The following ARHGAP44 variants were observed in gnomAD, a reference collection of about 807,000 sequenced individuals.
ARHGAP44 encodes the protein rho GTPase-activating protein 44.
Under a neutral mutation model 106.8 loss-of-function variants are expected in ARHGAP44, and 43 were observed. The ratio of observed to expected loss-of-function variants is 0.40; its 90% confidence interval spans 0.32 to 0.52. ARHGAP44 has a LOEUF of 0.52. Among genes scored for constraint, ARHGAP44 ranks in the 20% least tolerant of loss-of-function variants. ARHGAP44 has a pLI of 0.48. For missense variants in ARHGAP44, 866 were observed against 1,050.5 expected, an observed-to-expected ratio of 0.82 and a Z score of 2.43; for synonymous variants, 439 against 410.3, an observed-to-expected ratio of 1.07 and a Z score of -0.85.
chr17:12,899,474 C>A (rs1003941), intron 3 of ARHGAP44, among the ~76,000 whole-genome samples: 2 of 151,984 alleles, frequency 1.3e-5, no homozygotes, highest in African/African-American at 4.8e-5. Context: ...TAATAGGAAA[C>A]GTGACACTTA....
chr17:12,990,860 T>TAAAAC lies in ARHGAP44; in HGVS notation c.*698_*702dup, dbSNP rs544849011. On this transcript the variant is annotated 3_prime_UTR_variant, in exon 21 of 21. Transcript: ENST00000379672. Reference sequence around the variant, plus strand: ...ATATCATTTTATATTTCTGAATCTATAAAACAAAACAAACAAGCCTGACAG... The same window carrying TAAAAC: ...ATATCATTTTATATTTCTGAATCTATAAAACAAAACAAAACAAACAAGCCTGACAG... The TAAAAC allele has an allele frequency of 3.3e-4, 50 of 152,398 alleles. 1 individual carries two copies. In the East Asian group the frequency reaches 7.5e-3, roughly 23 times the overall value. The allele number at this position is 152,398 out of a possible 1,614,324, so 9.4% of individuals were successfully genotyped here. A position where few individuals can be genotyped will look rare whatever the true frequency, so the allele number is the denominator to read the frequency against.
intron 3 of ARHGAP44, among the ~76,000 whole-genome samples, chr17:12,899,916 CT>C (rs896006491): frequency 6.6e-6 from 1 of 152,160 alleles, no homozygotes; most frequent in Non-Finnish European, 1.5e-5. Flanking sequence ...AACTCCTGAA[CT>C]TTTGTCATAC....
chr17:12,871,945 T>G (rs1244999820), intron 1 of ARHGAP44, among the ~76,000 whole-genome samples: 2 of 152,000 alleles, frequency 1.3e-5, no homozygotes, highest in African/African-American at 2.4e-5. Context: ...CCAATTAAAC[T>G]TTTTTTCTTT....
chr17:12,828,684 C>T (rs957260201), intron 1 of ARHGAP44, among the ~76,000 whole-genome samples: 4 of 132,690 alleles, frequency 3.0e-5, no homozygotes, highest in African/African-American at 1.2e-4. Context: ...CTCTGTCACT[C>T]AGGCTGCAGT....
At chr17:12,872,743 A>G (rs958481782) in intron 1 of ARHGAP44, among the ~76,000 whole-genome samples, 3 of 152,092 alleles carry the variant, frequency 2.0e-5, no homozygotes, top group African/African-American at 7.2e-5. Context: ...CTTCAGCTCT[A>G]TGAAAATTAA....
At chr17:12,954,095 A>G (rs1329280571) in intron 13 of ARHGAP44, among the ~76,000 whole-genome samples, 1 of 147,846 alleles carries the variant, frequency 6.8e-6, no homozygotes, top group East Asian at 2.0e-4. Context: ...ACGGGGTTTC[A>G]CCATGTTAGC....
At chr17:12,851,938 T>G (rs1286985718) in intron 1 of ARHGAP44, among the ~76,000 whole-genome samples, 3 of 151,834 alleles carry the variant, frequency 2.0e-5, no homozygotes, top group African/African-American at 7.2e-5. Context: ...GAAAATCAGT[T>G]GGTATAAAAA....
chr17:12,897,885 A>C (rs2037260671), intron 3 of ARHGAP44, among the ~76,000 whole-genome samples: 1 of 152,000 alleles, frequency 6.6e-6, no homozygotes. Context: ...GGATCAGATG[A>C]ATTTACCTGG....
chr17:12,949,651 G>A lies in ARHGAP44; in HGVS notation c.976G>A (p.Ala326Thr). 6.2e-7 allele frequency: 1 copy of A among 1,613,674 alleles called. No homozygotes were observed. Among genetic ancestry groups the A allele is most frequent in the Non-Finnish European group, 8.5e-7 (1 of 1,179,754 alleles). ...ACCAATATTTCATTCATGCCTAGGA[G>A]CTTTGAAATCTTACCTCCGAGAGTT... The part of the protein sequence containing the change: ...YSADPHAIAG[A>T]LKSYLRELPE... Residue 326 changes from alanine to threonine, a missense_variant and splice_region_variant, in exon 12 of 21, where the codon GCT (alanine) becomes ACT (threonine). Ala to Thr is a moderately conservative substitution (Grantham distance 58). Around this residue, in one of 2 missense-constraint regions of ARHGAP44, gnomAD observed 448 missense variants for 646.9 expected, o/e 0.69. Coordinates refer to ENST00000379672, the MANE Select transcript of ARHGAP44 (RefSeq NM_014859.6). The surrounding 1 kb of genome is among the most constrained non-coding windows in gnomAD (Gnocchi z 4.1).
chr17:12,985,612 C>A (rs535094585), intron 20 of ARHGAP44: 12 of 152,350 alleles, frequency 7.9e-5, no homozygotes, highest in African/African-American at 2.9e-4. Context: ...CAAAACCATT[C>A]ATTGGCTGGA....
intron 1 of ARHGAP44, among the ~76,000 whole-genome samples, chr17:12,872,414 T>C (rs2036432533): frequency 6.6e-6 from 1 of 150,706 alleles, no homozygotes; most frequent in Non-Finnish European, 1.5e-5. Context: ...ATTAGGTTTT[T>C]ATCCTTATTT....
Position 12,958,587 on chromosome 17 carries a change from G to A in ARHGAP44, c.1343-130G>A, listed in dbSNP as rs1012047802. ...TTAATGTGATGCATTATATTAATAA[G>A]GTGAACCATGGGATGAAATTTTCTA... On this transcript the variant is annotated intron_variant, in intron 15 of 20. Transcript: ENST00000379672. This position sits in a 1 kb window ranked among gnomAD's most constrained non-coding sequence, Gnocchi z 4.1. 4.7e-6 allele frequency: 4 copies of A among 843,874 alleles called. No individual in the cohort carries two copies. The highest frequency in any genetic ancestry group is 3.4e-5 in the African/African-American group (2 of 58,404). The allele number at this position is 843,874 out of a possible 1,614,324, so 52.3% of individuals were successfully genotyped here.
intron 13 of ARHGAP44, 107 bp downstream of exon 13, chr17:12,952,688 A>G (rs2072252): frequency 0.24 from 127,462 of 538,262 alleles, 13,768 homozygotes; most frequent in East Asian, 0.45. Context: ...ATAGCATTTT[A>G]TGATGTCCAA....
At chr17:12,971,403 G>A (rs986367984) in intron 16 of ARHGAP44, among the ~76,000 whole-genome samples, 1 of 152,144 alleles carries the variant, frequency 6.6e-6, no homozygotes, top group African/African-American at 2.4e-5. Flanking sequence ...AAGAGAAGGT[G>A]GGGTAGGACT....
At chr17:12,875,616 G>T (rs1488794353) in intron 1 of ARHGAP44, among the ~76,000 whole-genome samples, 1 of 129,016 alleles carries the variant, frequency 7.8e-6, no homozygotes, top group Non-Finnish European at 1.5e-5. Flanking sequence ...AAATAAAAAG[G>T]GGGGGTGCAT....
intron 4 of ARHGAP44, among the ~76,000 whole-genome samples, chr17:12,911,011 A>C (rs2037716375): frequency 1.3e-5 from 2 of 151,564 alleles, no homozygotes; most frequent in African/African-American, 4.8e-5. Flanking sequence ...GAAAATAAAA[A>C]AAAATACATG....
At chr17:12,848,204 G>A (rs117670808) in intron 1 of ARHGAP44, among the ~76,000 whole-genome samples, 8 of 152,118 alleles carry the variant, frequency 5.3e-5, no homozygotes, top group Non-Finnish European at 8.8e-5. Context: ...GTGAGAACTC[G>A]TGTTCAACTT....
At chr17:12,820,659 C>T (rs1432779324) in intron 1 of ARHGAP44, among the ~76,000 whole-genome samples, 1 of 152,128 alleles carries the variant, frequency 6.6e-6, no homozygotes, top group Non-Finnish European at 1.5e-5. Context: ...ACATGGATAC[C>T]TTCACTGAGG....
chr17:12,941,087 T>G lies in ARHGAP44; in HGVS notation c.614T>G (p.Val205Gly), dbSNP rs775321891. 1 of 1,614,058 alleles carries G rather than the reference T, an allele frequency of 6.2e-7. No individual in the cohort carries two copies. The highest frequency in any genetic ancestry group is 8.5e-7 in the Non-Finnish European group (1 of 1,179,900). Reference sequence around the variant, plus strand: ...CTCTCAGCTGATATGTACAGTTTTGTGGCCAAAGAAATTGACTATGCAAAC... The same window carrying G: ...CTCTCAGCTGATATGTACAGTTTTGGGGCCAAAGAAATTGACTATGCAAAC... ...DQLSADMYSF[V>G]AKEIDYANYF... The change falls in exon 8 of 21, where the codon GTG (valine) becomes GGG (glycine). Residue 205 changes from valine (V) to glycine (G), a missense_variant. This residue lies in a region of ARHGAP44 where 448 missense variants were observed against 646.9 expected (regional missense o/e 0.69). Transcript: ENST00000379672.
Sources: allele counts gnomAD v4.1 joint callset (sites outside exome capture counted in the v4.1 genomes callset), GRCh38; gene constraint gnomAD v4.1.1; regional missense constraint gnomAD v4.1.1; non-coding constraint Gnocchi (gnomAD v3.1); transcripts MANE v1.5; gene names NCBI Gene and HGNC (gene_info 2026-07-23, HGNC 2026-07-21).